Variants in DIAPH1 observed in about 807,000 individuals in gnomAD.
DIAPH1 encodes protein diaphanous homolog 1.
In DIAPH1, 46 loss-of-function variants were observed where a neutral mutation model predicts 140.7. The observed-to-expected ratio is 0.33, with a 90% CI of 0.26 to 0.42. The LOEUF is 0.42. DIAPH1 is among the 10% of genes least tolerant of loss of function. The pLI is 1.00. For synonymous variants in DIAPH1, 565 were observed against 551.6 expected, an observed-to-expected ratio of 1.02 and a Z score of -0.34; for missense variants, 1,310 against 1,558.7, an observed-to-expected ratio of 0.84 and a Z score of 2.69.
intron 6 of DIAPH1, among the ~76,000 whole-genome samples, chr5:141,582,905 T>G (rs1254948177): frequency 6.6e-6 from 1 of 152,120 alleles, no homozygotes; most frequent in Non-Finnish European, 1.5e-5. Context: ...CCAGACCAGA[T>G]TACACAGCAG....
rs1450758628 is a variant in DIAPH1 at position 141,527,639 on chromosome 5, C to CGAA, written c.3206_3207insTTC (p.Val1069_Glu1070insSer). 16 of 1,580,798 alleles carry CGAA rather than the reference C, an allele frequency of 1.0e-5. No homozygotes were observed. The highest frequency in any genetic ancestry group is 1.4e-5 in the Non-Finnish European group (16 of 1,161,528). On this transcript the variant is annotated inframe_insertion, in exon 24 of 28. Coordinates refer to ENST00000389054, the MANE Select transcript of DIAPH1 (RefSeq NM_005219.5). Reference sequence around the variant, plus strand: ...CTGGGAAATTCTGAACATCACGTTCCACATCAGAAATTTGTTTCTTCATCT... The same window carrying CGAA: ...CTGGGAAATTCTGAACATCACGTTCCGAAACATCAGAAATTTGTTTCTTCATCT...
rs201797573 is a variant in DIAPH1, at chr5:141,518,918, G to A, written c.3662-1910C>T. The A allele has an allele frequency of 1.2e-4, 182 of 1,549,306 alleles. 1 individual carries two copies. Among genetic ancestry groups the A allele is most frequent in the Non-Finnish European group, 1.2e-4 (137 of 1,145,958 alleles). On this transcript the variant is annotated intron_variant, in intron 27 of 27. Transcript: ENST00000389054. ...AGAGGCTGCCCATAGATCAAGCAGGGAACACGCAGCATGCACACAGGTTAC... is the reference window on the plus strand; with the variant it reads ...AGAGGCTGCCCATAGATCAAGCAGGAAACACGCAGCATGCACACAGGTTAC...
At position 141,528,724 on chromosome 5, in the gene DIAPH1, AAGCCAAAAG is replaced by A; in HGVS notation, c.2987_2995del (p.Ala996_Phe999delinsVal). On this transcript the variant is annotated inframe_deletion, in exon 22 of 28. Transcript: ENST00000389054. The stretch of plus-strand genomic sequence containing the variant: ...CACCTTACAGAGGAAGCTGATATTG[AAGCCAAAAG>A]CACCAGCATTTCTGGAGCCAGCATT... 6.2e-7 allele frequency: 1 copy of A among 1,614,228 alleles called. No individual in the cohort carries two copies. Among genetic ancestry groups the A allele is most frequent in the Non-Finnish European group, 8.5e-7 (1 of 1,180,044 alleles).
In DIAPH1 at chr5:141,574,267, G is replaced by A. The variant is rs561945975; in HGVS notation, c.1642-59C>T. ...CCCCACTTCAGGGACTACTGGGACT[G>A]GAAGGAACCTAATAAACTACTTAAT... On this transcript the variant is annotated intron_variant, in intron 15 of 27. Coordinates refer to ENST00000389054, the MANE Select transcript of DIAPH1 (RefSeq NM_005219.5). 5.2e-6 allele frequency: 8 copies of A among 1,547,818 alleles called. No individual in the cohort carries two copies. The African/African-American group carries it at 9.5e-5, about 18-fold the overall frequency.
intron 18 of DIAPH1, 192 bp from the exon 19 acceptor site, chr5:141,534,625 T>C: frequency 1.6e-6 from 1 of 607,244 alleles, no homozygotes; most frequent in Non-Finnish European, 2.9e-6. Flanking sequence ...CTCTAATAAA[T>C]ATCTCATTTT....
chr5:141,543,273 A>C (rs1486568641), intron 18 of DIAPH1, among the ~76,000 whole-genome samples: 1 of 152,208 alleles, frequency 6.6e-6, no homozygotes, highest in Non-Finnish European at 1.5e-5. Flanking sequence ...CAAAGGGCAC[A>C]TACTTTATTA....
intron 26 of DIAPH1, chr5:141,524,439 AT>A: frequency 1.6e-6 from 1 of 615,966 alleles, no homozygotes; most frequent in Non-Finnish European, 3.0e-6. Context: ...AAAAGATCTC[AT>A]TGCCTATTAT....
intron 15 of DIAPH1, 45 bp from the exon 16 acceptor site, chr5:141,574,253 G>A: frequency 6.3e-7 from 1 of 1,587,632 alleles, no homozygotes; most frequent in Non-Finnish European, 8.6e-7. Flanking sequence ...CCCACTTCAG[G>A]GACTACTGGG....
At chr5:141,566,203 T>G (rs1203694682) in intron 18 of DIAPH1, among the ~76,000 whole-genome samples, 3 of 152,104 alleles carry the variant, frequency 2.0e-5, no homozygotes. Context: ...TGGTATGACA[T>G]GAGATCCTAG....
chr5:141,578,061 T>G (rs1288369426), intron 11 of DIAPH1, 164 bp downstream of exon 11: 1 of 719,374 alleles, frequency 1.4e-6, no homozygotes, highest in Non-Finnish European at 2.5e-6. Context: ...ATAAGCTAAG[T>G]AAAGCCAGCG....
intron 24 of DIAPH1, 105 bp downstream of exon 24, chr5:141,527,468 A>T (rs1596338329): frequency 7.7e-7 from 1 of 1,291,074 alleles, no homozygotes; most frequent in South Asian, 1.4e-5. Context: ...GAGTTTTTTA[A>T]GAGAAAAAAA....
chr5:141,603,905 C>T (rs970181140), intron 1 of DIAPH1, among the ~76,000 whole-genome samples: 22 of 152,136 alleles, frequency 1.4e-4, no homozygotes, highest in Admixed American at 1.3e-3. Context: ...AACTGGCAGC[C>T]GGCATCCTAG....
intron 16 of DIAPH1, among the ~76,000 whole-genome samples, chr5:141,572,705 T>C (rs1163810220): frequency 6.6e-6 from 1 of 150,924 alleles, no homozygotes; most frequent in Non-Finnish European, 1.5e-5. Context: ...GAGGCTGAGG[T>C]TGCAGTGAGC....
chr5:141,529,701 C>A lies in DIAPH1; in HGVS notation c.2582-4G>T. On this transcript the variant is annotated splice_region_variant and splice_polypyrimidine_tract_variant and intron_variant, in intron 19 of 27. Transcript: ENST00000389054. ...CGGAAGGAACCCAAAAAGATTGCTG[C>A]CAGAAAATGAGATATTAAGACATGT... The A allele has an allele frequency of 6.2e-7, 1 of 1,612,766 alleles. No individual in the cohort carries two copies. Among genetic ancestry groups the A allele is most frequent in the Non-Finnish European group, 8.5e-7 (1 of 1,178,790 alleles).
At chr5:141,542,576 T>A (rs983161988) in intron 18 of DIAPH1, among the ~76,000 whole-genome samples, 1 of 152,172 alleles carries the variant, frequency 6.6e-6, no homozygotes, top group African/African-American at 2.4e-5. Flanking sequence ...AAAAACATCA[T>A]GCTAAAGTGA....
At chr5:141,592,217 G>A (rs2099898603) in intron 1 of DIAPH1, among the ~76,000 whole-genome samples, 1 of 152,108 alleles carries the variant, frequency 6.6e-6, no homozygotes. Context: ...ACAGAGGGCA[G>A]CAACAACCAG....
Position 141,618,945 on chromosome 5 carries a change from G to GA in DIAPH1, c.-32_-31insT. 1 of 1,311,120 alleles carries GA rather than the reference G, an allele frequency of 7.6e-7. No homozygotes were observed. The highest frequency in any genetic ancestry group is 1.5e-5 in the South Asian group (1 of 66,838). The allele number at this position is 1,311,120 out of a possible 1,614,324, so 81.2% of individuals were successfully genotyped here. On this transcript the variant is annotated 5_prime_UTR_variant, in exon 1 of 28. Transcript: ENST00000389054. ...GGTTCACGCTGGCCGGCGACCCCGCGCCTACGCCGCTCCCGCCTGGCAGCT... is the reference window on the plus strand; with the variant it reads ...GGTTCACGCTGGCCGGCGACCCCGCGACCTACGCCGCTCCCGCCTGGCAGCT...
chr5:141,536,762 G>C (rs1014805444), intron 18 of DIAPH1, among the ~76,000 whole-genome samples: 5 of 152,168 alleles, frequency 3.3e-5, no homozygotes, highest in African/African-American at 1.2e-4. Flanking sequence ...GCCTGAGATA[G>C]AGCATGTTGG....
intron 1 of DIAPH1, among the ~76,000 whole-genome samples, chr5:141,598,071 A>T (rs1175883364): frequency 2.0e-5 from 3 of 152,148 alleles, no homozygotes; most frequent in Non-Finnish European, 1.5e-5. Flanking sequence ...CTTAAAATCT[A>T]GGTGCACTCG....
Sources: gnomAD v4.1 joint callset for allele counts (sites outside exome capture counted in the v4.1 genomes callset) on GRCh38, gnomAD v4.1.1 for gene constraint, MANE v1.5 for transcripts, NCBI Gene and HGNC (gene_info 2026-07-23, HGNC 2026-07-21) for gene names.